TGFA: variants seen among roughly 807,000 people sequenced by gnomAD.
TGFA encodes transforming growth factor alpha, also known as protransforming growth factor alpha.
TGFA carries 12 observed loss-of-function variants against 21.7 expected under a neutral mutation model. That is an observed-to-expected ratio of 0.55 (90% CI 0.35 to 0.90). The LOEUF is 0.90. TGFA is among the 40% of genes least tolerant of loss of function. The probability of loss-of-function intolerance (pLI) is 0.01; values close to 1 mark genes in which losing one functional copy is unlikely to be tolerated. For missense variants in TGFA, 178 were observed against 210.8 expected (o/e 0.84, Z 0.96); for synonymous variants, 79 against 88.1 (o/e 0.90, Z 0.58).
chr2:70,496,766 T>A, intron 2 of TGFA, among the ~76,000 whole-genome samples: 1 of 152,286 alleles, frequency 6.6e-6, no homozygotes, highest in Middle Eastern at 3.4e-3. Flanking sequence ...CTTGTATGCG[T>A]CATGCACTGT....
intron 2 of TGFA, among the ~76,000 whole-genome samples, chr2:70,510,958 T>A (rs1040644471): frequency 3.3e-5 from 5 of 151,398 alleles, no homozygotes; most frequent in African/African-American, 1.2e-4. Context: ...CTGGGCAACA[T>A]AGCAAGATCT....
chr2:70,527,625 A>G (rs782363151), intron 1 of TGFA, among the ~76,000 whole-genome samples: 3 of 152,234 alleles, frequency 2.0e-5, no homozygotes, highest in Admixed American at 6.5e-5. Flanking sequence ...TAGTTAACTA[A>G]TATTAACTTT....
chr2:70,552,822 G>A (rs1271065156), intron 1 of TGFA, among the ~76,000 whole-genome samples: 1 of 152,156 alleles, frequency 6.6e-6, no homozygotes, highest in East Asian at 1.9e-4. Flanking sequence ...TTCACTTCAC[G>A]GAAGACTAGC....
At chr2:70,532,077 A>C (rs1553503768) in intron 1 of TGFA, among the ~76,000 whole-genome samples, 1 of 152,244 alleles carries the variant, frequency 6.6e-6, no homozygotes, top group African/African-American at 2.4e-5. Context: ...ACAGCTATTC[A>C]TACCAATCTA....
intron 1 of TGFA, among the ~76,000 whole-genome samples, chr2:70,549,431 G>A (rs1044959165): frequency 7.9e-5 from 12 of 152,120 alleles, no homozygotes; most frequent in Admixed American, 7.2e-4. Flanking sequence ...AGCAACATAC[G>A]CCACACCTGG....
chr2:70,517,298 G>C (rs1296080789), intron 1 of TGFA, among the ~76,000 whole-genome samples: 1 of 152,154 alleles, frequency 6.6e-6, no homozygotes, highest in Non-Finnish European at 1.5e-5. Flanking sequence ...TGGTGCCCTG[G>C]GCTTCACTCT....
intron 1 of TGFA, among the ~76,000 whole-genome samples, chr2:70,537,800 G>A (rs1271085924): frequency 6.6e-6 from 1 of 152,236 alleles, no homozygotes; most frequent in Non-Finnish European, 1.5e-5. Flanking sequence ...TGACGTAGGA[G>A]CTGCAGCAAG....
chr2:70,533,271 A>T (rs1164101202), intron 1 of TGFA, among the ~76,000 whole-genome samples: 3 of 152,162 alleles, frequency 2.0e-5, no homozygotes, highest in Non-Finnish European at 4.4e-5. Flanking sequence ...AAGATGAAGA[A>T]ATTTCGACCC....
intron 2 of TGFA, among the ~76,000 whole-genome samples, chr2:70,491,874 G>A (rs1671448915): frequency 6.6e-6 from 1 of 152,212 alleles, no homozygotes. Context: ...TAGAGTAAGA[G>A]TGCATAAAAC....
intron 1 of TGFA, among the ~76,000 whole-genome samples, chr2:70,528,113 G>T (rs917329513): frequency 3.3e-5 from 5 of 152,174 alleles, no homozygotes; most frequent in African/African-American, 9.7e-5. Flanking sequence ...AACAGAGAGG[G>T]CAGAAGCACG....
Position 70,449,371 on chromosome 2 carries a change from T to G in TGFA, c.*1488A>C, listed in dbSNP as rs1669981445. Reference sequence around the variant, plus strand: ...TAGAAATCTTTCACTTTTCAGATATTAGTAGCATTTCCTCACATAAGGAGT... The same window carrying G: ...TAGAAATCTTTCACTTTTCAGATATGAGTAGCATTTCCTCACATAAGGAGT... On this transcript the variant is annotated 3_prime_UTR_variant, in exon 6 of 6. Coordinates refer to ENST00000295400, the MANE Select transcript of TGFA (RefSeq NM_003236.4). 1 of 152,522 alleles carries G rather than the reference T, an allele frequency of 6.6e-6. No homozygotes were observed. Among genetic ancestry groups the G allele is most frequent in the Non-Finnish European group, 1.5e-5 (1 of 68,238 alleles). 9.4% of individuals were successfully genotyped at this position (152,522 alleles called of 1,614,324 possible).
intron 5 of TGFA, 25 bp from the exon 6 acceptor site, chr2:70,450,891 AG>A: frequency 6.2e-7 from 1 of 1,604,558 alleles, no homozygotes; most frequent in South Asian, 1.1e-5. Context: ...AAACAGGTTA[AG>A]CACTGTGGGC....
chr2:70,463,826 G>A (rs1670472196), intron 3 of TGFA, among the ~76,000 whole-genome samples: 1 of 152,128 alleles, frequency 6.6e-6, no homozygotes, highest in South Asian at 2.1e-4. Context: ...ACAATGACCA[G>A]GGCACTCATG....
chr2:70,511,093 T>C lies in TGFA; in HGVS notation c.94+3766A>G, dbSNP rs1160854909. On this transcript the variant is annotated intron_variant, in intron 2 of 5. Coordinates refer to ENST00000295400, the MANE Select transcript of TGFA (RefSeq NM_003236.4). ...GTTTGCAATTTTCTCTCCACAATGT[T>C]CCATTAAAGTGTGTCGGCTTCACCC... 3.9e-5 allele frequency among the ~76,000 whole-genome samples: 6 copies of C among 152,188 alleles called. 1 individual carries two copies. In the South Asian group the frequency reaches 1.2e-3, roughly 32 times the overall value.
chr2:70,546,218 T>C (rs1372176589), intron 1 of TGFA, among the ~76,000 whole-genome samples: 7 of 152,354 alleles, frequency 4.6e-5, no homozygotes, highest in Middle Eastern at 3.4e-3. Flanking sequence ...TATATGCTTC[T>C]TATAAAAAAT....
rs1670023890 is a variant in TGFA at position 70,450,630 on chromosome 2, G to A, written c.*229C>T. The A allele has an allele frequency of 9.1e-6, 5 of 550,530 alleles. No homozygotes were observed. The Admixed American group carries it at 1.5e-4, about 17-fold the overall frequency. 34.1% of individuals were successfully genotyped at this position (550,530 alleles called of 1,614,324 possible). On this transcript the variant is annotated 3_prime_UTR_variant, in exon 6 of 6. Coordinates refer to ENST00000295400, the MANE Select transcript of TGFA (RefSeq NM_003236.4). ...TCTCTTTGCAGTTCTTTTTTAACAA[G>A]TCTTGAAATCGTGGTCCGCTGATTT... is the stretch of plus-strand genomic sequence containing the variant.
chr2:70,450,553 G>A lies in TGFA; in HGVS notation c.*306C>T. 2.7e-6 allele frequency: 1 copy of A among 371,416 alleles called. No individual in the cohort carries two copies. The highest frequency in any genetic ancestry group is 2.0e-5 in the African/African-American group (1 of 49,648). 23.0% of individuals were successfully genotyped at this position (371,416 alleles called of 1,614,324 possible). The stretch of plus-strand genomic sequence containing the variant: ...TGGCAGAAGACAACTGCACACATGT[G>A]GACTCAGACACCAACTGCTGCACAC... On this transcript the variant is annotated 3_prime_UTR_variant, in exon 6 of 6. Transcript: ENST00000295400.
intron 1 of TGFA, among the ~76,000 whole-genome samples, chr2:70,534,693 C>A (rs1553504162): frequency 7.4e-6 from 1 of 134,400 alleles, no homozygotes; most frequent in Non-Finnish European, 1.6e-5. Context: ...CTCTACCATA[C>A]TTGTTTTTTT....
chr2:70,450,647 C>T lies in TGFA; in HGVS notation c.*212G>A, dbSNP rs1239472649. On this transcript the variant is annotated 3_prime_UTR_variant, in exon 6 of 6. Transcript: ENST00000295400. Reference sequence around the variant, plus strand: ...TTTAACAAGTCTTGAAATCGTGGTCCGCTGATTTCTTCTCTAGGTCACACT... The same window carrying T: ...TTTAACAAGTCTTGAAATCGTGGTCTGCTGATTTCTTCTCTAGGTCACACT... 4.4e-5 allele frequency: 25 copies of T among 566,824 alleles called. No homozygotes were observed. Among genetic ancestry groups the T allele is most frequent in the African/African-American group, 3.0e-4 (16 of 53,282 alleles). 35.1% of individuals were successfully genotyped at this position (566,824 alleles called of 1,614,324 possible).
Sources: allele counts gnomAD v4.1 joint callset (sites outside exome capture counted in the v4.1 genomes callset), GRCh38; gene constraint gnomAD v4.1.1; transcripts MANE v1.5; gene names NCBI Gene and HGNC (gene_info 2026-07-23, HGNC 2026-07-21).